PLA2G4E: variants seen among roughly 807,000 people sequenced by gnomAD.
The protein encoded by PLA2G4E is cytosolic phospholipase A2 epsilon.
In PLA2G4E, 84 loss-of-function variants were observed where a neutral mutation model predicts 109.1. The observed-to-expected ratio is 0.77, with a 90% CI of 0.65 to 0.92. PLA2G4E has a LOEUF of 0.92. Among genes scored for constraint, PLA2G4E ranks in the 40% least tolerant of loss-of-function variants. The pLI, the probability that PLA2G4E is intolerant of heterozygous loss-of-function variation, is 0.00. For synonymous variants in PLA2G4E, 469 were observed against 436.1 expected (o/e 1.08, Z -0.94); for missense variants, 1,057 against 1,076.6 (o/e 0.98, Z 0.25).
At chr15:41,999,324 A>C (rs1275244899) in intron 10 of PLA2G4E, among the ~76,000 whole-genome samples, 200 bp downstream of exon 10, 1 of 152,212 alleles carries the variant, frequency 6.6e-6, no homozygotes, top group African/African-American at 2.4e-5. Flanking sequence ...CAATAAAAAA[A>C]CACAAATAAC....
chr15:42,002,190 G>C (rs1191307980), intron 6 of PLA2G4E, among the ~76,000 whole-genome samples: 1 of 150,598 alleles, frequency 6.6e-6, no homozygotes, highest in African/African-American at 2.5e-5. Context: ...GCTTGAGCAC[G>C]GGAGGCAGAG....
intron 5 of PLA2G4E, 85 bp downstream of exon 5, chr15:42,004,853 G>T: frequency 6.7e-7 from 1 of 1,493,670 alleles, no homozygotes; most frequent in Non-Finnish European, 9.2e-7. Flanking sequence ...GCAGCAAAAA[G>T]GCCGACCTGC....
At chr15:41,989,942 A>G (rs1464039228) in intron 14 of PLA2G4E, among the ~76,000 whole-genome samples, 179 bp downstream of exon 14, 1 of 152,168 alleles carries the variant, frequency 6.6e-6, no homozygotes, top group African/African-American at 2.4e-5. Flanking sequence ...TGCCGGCCTC[A>G]CCCATGCAGC....
intron 1 of PLA2G4E, among the ~76,000 whole-genome samples, chr15:42,019,908 G>T (rs539404043): frequency 1.3e-5 from 2 of 152,348 alleles, no homozygotes; most frequent in South Asian, 4.1e-4. Context: ...GCTCTTAACT[G>T]CTTCACTGCC....
At chr15:42,017,500 A>G (rs1287821673) in intron 1 of PLA2G4E, among the ~76,000 whole-genome samples, 2 of 152,204 alleles carry the variant, frequency 1.3e-5, no homozygotes, top group Non-Finnish European at 2.9e-5. Flanking sequence ...CGAAGCAGTT[A>G]TTATTAGCTT....
intron 1 of PLA2G4E, among the ~76,000 whole-genome samples, chr15:42,030,401 A>G (rs1349425): frequency 0.61 from 92,866 of 152,032 alleles, 28,995 homozygotes; most frequent in East Asian, 0.83. Flanking sequence ...ATCCCTCTTT[A>G]TCTGCGAGGA....
At chr15:42,002,272 A>AC (rs2068429125) in intron 6 of PLA2G4E, among the ~76,000 whole-genome samples, 2 of 148,920 alleles carry the variant, frequency 1.3e-5, no homozygotes, top group African/African-American at 5.1e-5. Context: ...CTCAAAAAAA[A>AC]AAAAAAAAAA....
chr15:42,002,009 T>C (rs1365119555), intron 6 of PLA2G4E, among the ~76,000 whole-genome samples: 1 of 152,102 alleles, frequency 6.6e-6, no homozygotes, highest in Non-Finnish European at 1.5e-5. Context: ...CAATTTTTAA[T>C]ACAGAAATTG....
At chr15:42,019,839 C>G (rs937889013) in intron 1 of PLA2G4E, among the ~76,000 whole-genome samples, 3 of 152,236 alleles carry the variant, frequency 2.0e-5, no homozygotes, top group African/African-American at 7.2e-5. Context: ...ACCCTCCAGG[C>G]CTGACAGGGG....
At chr15:42,026,192 T>C (rs1335044885) in intron 1 of PLA2G4E, among the ~76,000 whole-genome samples, 1 of 151,636 alleles carries the variant, frequency 6.6e-6, no homozygotes, top group Non-Finnish European at 1.5e-5. Flanking sequence ...GGTACTAAGA[T>C]AAATTACAAA....
intron 7 of PLA2G4E, 57 bp downstream of exon 7, chr15:42,001,100 G>C: frequency 2.0e-6 from 3 of 1,525,880 alleles, no homozygotes. Context: ...ATGCTGATGG[G>C]ATTTGGAAGC....
chr15:41,997,366 G>A (rs966126555), intron 10 of PLA2G4E, 107 bp from the exon 11 acceptor site: 62 of 1,286,480 alleles, frequency 4.8e-5, no homozygotes, highest in Admixed American at 1.3e-4. Context: ...TTCTGCCAGC[G>A]ACCACTTCTG....
intron 1 of PLA2G4E, among the ~76,000 whole-genome samples, chr15:42,049,591 C>A (rs1233269321): frequency 5.3e-5 from 8 of 152,126 alleles, no homozygotes; most frequent in African/African-American, 1.9e-4. Context: ...TGGATCCAGA[C>A]AAGGTGACTC....
chr15:41,987,101 G>T, intron 17 of PLA2G4E, 71 bp downstream of exon 17: 2 of 1,466,446 alleles, frequency 1.4e-6, no homozygotes, highest in Non-Finnish European at 1.9e-6. Flanking sequence ...CTTTATCCAT[G>T]GCAGCCTTGA....
intron 10 of PLA2G4E, chr15:41,997,962 C>T (rs1371590203): frequency 6.6e-6 from 1 of 152,118 alleles, no homozygotes; most frequent in Non-Finnish European, 1.5e-5. Flanking sequence ...CATCCAAGAC[C>T]CTGCCTGATC....
At chr15:42,045,005 A>C (rs1889388879) in intron 1 of PLA2G4E, among the ~76,000 whole-genome samples, 1 of 151,822 alleles carries the variant, frequency 6.6e-6, no homozygotes, top group Non-Finnish European at 1.5e-5. Flanking sequence ...ATATGAGGGC[A>C]TCCAGTGGGC....
At chr15:42,011,450 T>TA (rs1211107093) in intron 2 of PLA2G4E, among the ~76,000 whole-genome samples, 2 of 152,368 alleles carry the variant, frequency 1.3e-5, no homozygotes, top group African/African-American at 4.8e-5. Flanking sequence ...GGGCTGGGCA[T>TA]AGTGGTTCAC....
chr15:41,984,815 G>A (rs898460511), intron 18 of PLA2G4E, among the ~76,000 whole-genome samples, 196 bp from the exon 19 acceptor site: 9 of 152,202 alleles, frequency 5.9e-5, no homozygotes, highest in African/African-American at 2.2e-4. Flanking sequence ...TGCACCTCCA[G>A]TTGCAAGCTG....
intron 8 of PLA2G4E, 39 bp from the exon 9 acceptor site, chr15:42,000,039 GCTCCT>G (rs1428773546): frequency 2.5e-6 from 4 of 1,582,094 alleles, no homozygotes; most frequent in Non-Finnish European, 3.4e-6. Flanking sequence ...GGGCTGGGGA[GCTCCT>G]CTGGCACCCC....
Sources: gnomAD v4.1 joint callset for allele counts (sites outside exome capture counted in the v4.1 genomes callset) on GRCh38, gnomAD v4.1.1 for gene constraint, MANE v1.5 for transcripts, NCBI Gene and HGNC (gene_info 2026-07-23, HGNC 2026-07-21) for gene names.